Variants in REV3L observed in about 807,000 individuals in gnomAD.
REV3L encodes the protein REV3 like, DNA directed polymerase zeta catalytic subunit, also known as DNA polymerase zeta catalytic subunit.
REV3L carries 69 observed loss-of-function variants against 299.4 expected under a neutral mutation model. The observed-to-expected ratio is 0.23, with a 90% CI of 0.19 to 0.28. The LOEUF is 0.28. Among genes scored for constraint, REV3L ranks in the 10% least tolerant of loss-of-function variants. The probability of loss-of-function intolerance (pLI) is 1.00; values close to 1 mark genes in which losing one functional copy is unlikely to be tolerated. For synonymous variants in REV3L, 1,238 were observed against 1,271.4 expected (o/e 0.97, Z 0.56); for missense variants, 3,128 against 3,693.8 (o/e 0.85, Z 3.97).
intron 1 of REV3L, among the ~76,000 whole-genome samples, chr6:111,424,745 G>C (rs1785968665): frequency 6.6e-6 from 1 of 152,134 alleles, no homozygotes. Context: ...CCCAGCACTT[G>C]CCTTTATTTG....
intron 19 of REV3L, 63 bp from the exon 20 acceptor site, chr6:111,349,399 C>G: frequency 1.3e-6 from 1 of 741,618 alleles, no homozygotes; most frequent in South Asian, 2.1e-5. Flanking sequence ...TAAAATTATG[C>G]CAGGGAAAAT....
chr6:111,359,061 C>T (rs1430859346), intron 16 of REV3L, 47 bp from the exon 17 acceptor site: 1 of 1,503,244 alleles, frequency 6.7e-7, no homozygotes, highest in Non-Finnish European at 9.1e-7. Flanking sequence ...TTTTTAAAGA[C>T]ATGCTCAAAG....
At chr6:111,468,312 A>C (rs1791751768) in intron 1 of REV3L, among the ~76,000 whole-genome samples, 1 of 152,232 alleles carries the variant, frequency 6.6e-6, no homozygotes, top group African/African-American at 2.4e-5. Context: ...AAATGAAAAA[A>C]AGATACTACT....
chr6:111,344,172 C>T (rs1265325077), intron 20 of REV3L, 129 bp from the exon 21 acceptor site: 2 of 608,472 alleles, frequency 3.3e-6, no homozygotes, highest in Admixed American at 6.2e-5. Context: ...AACTGATGTG[C>T]AGTACAACTG....
chr6:111,445,913 T>C (rs1470942533), intron 1 of REV3L, among the ~76,000 whole-genome samples: 3 of 152,046 alleles, frequency 2.0e-5, no homozygotes, highest in Admixed American at 2.0e-4. Flanking sequence ...ATTCAGGAAA[T>C]GCCAAGCATA....
In REV3L at chr6:111,367,206, A is replaced by G. The variant is rs781270812; in HGVS notation, c.6582T>C (p.Cys2194=). Residue 2194 remains cysteine, a synonymous_variant, in exon 14 of 32, where the codon TGT becomes TGC. Transcript: ENST00000368802. ...GTGTACTATGAAAGCAAAGTGATTC[A>G]CATTTCCCAGTTCTTGCCCTAGTAT... The part of the protein sequence containing the change: ...PINTRARTGK[C]ESLCFHSTPI... The G allele has an allele frequency of 4.3e-6, 7 of 1,613,922 alleles. No homozygotes were observed. The highest frequency in any genetic ancestry group is 5.9e-6 in the Non-Finnish European group (7 of 1,179,978).
chr6:111,326,710 A>T (rs1022202414), intron 25 of REV3L, among the ~76,000 whole-genome samples: 10 of 152,134 alleles, frequency 6.6e-5, no homozygotes, highest in Non-Finnish European at 1.3e-4. Context: ...AAACAACCTA[A>T]GTGTCCATCA....
At position 111,372,609 on chromosome 6, in the gene REV3L, G is replaced by A; in HGVS notation, c.5746C>T (p.Pro1916Ser). ...ATAACTGATTACCTGGGCTTTTCTG[G>A]TACATCAGAAGGATTACTGCAAAAT... ...EPFCSNPSDV[P>S]EKPREIGGRL... The change falls in exon 13 of 32, where the codon CCA becomes TCA. Residue 1916 changes from proline (P) to serine (S), a missense_variant. Transcript: ENST00000368802. The A allele has an allele frequency of 6.8e-7, 1 of 1,480,532 alleles. No individual in the cohort carries two copies. Among genetic ancestry groups the A allele is most frequent in the Non-Finnish European group, 9.0e-7 (1 of 1,116,092 alleles). 91.7% of individuals were successfully genotyped at this position (1,480,532 alleles called of 1,614,324 possible).
intron 1 of REV3L, among the ~76,000 whole-genome samples, chr6:111,427,017 T>C (rs1480229554): frequency 6.6e-6 from 1 of 152,068 alleles, no homozygotes; most frequent in Non-Finnish European, 1.5e-5. Context: ...TTTTGTGGTA[T>C]TTTAATTGAA....
Position 111,482,921 on chromosome 6 carries a change from G to A in REV3L, c.-33C>T. On this transcript the variant is annotated 5_prime_UTR_variant, in exon 1 of 32. Coordinates refer to ENST00000368802, the MANE Select transcript of REV3L (RefSeq NM_001372078.1). ...GCCGCCGCCACTGCCTCCCTTCACT[G>A]GCGACCCGGCAGCGGCAGCAGCAGC... The A allele has an allele frequency of 6.7e-7, 1 of 1,495,120 alleles. No homozygotes were observed. Among genetic ancestry groups the A allele is most frequent in the Non-Finnish European group, 8.8e-7 (1 of 1,132,874 alleles). The allele number at this position is 1,495,120 out of a possible 1,614,324, so 92.6% of individuals were successfully genotyped here. A position where few individuals can be genotyped will look rare whatever the true frequency, so the allele number is the denominator to read the frequency against.
At chr6:111,472,745 C>T (rs1254153215) in intron 1 of REV3L, among the ~76,000 whole-genome samples, 1 of 151,902 alleles carries the variant, frequency 6.6e-6, no homozygotes, top group Non-Finnish European at 1.5e-5. Flanking sequence ...TATTTAAAAA[C>T]CCACAGAGAG....
At chr6:111,447,006 A>G (rs1335767280) in intron 1 of REV3L, among the ~76,000 whole-genome samples, 1 of 152,202 alleles carries the variant, frequency 6.6e-6, no homozygotes, top group African/African-American at 2.4e-5. Flanking sequence ...ACTGATCACT[A>G]ACCTCACAAG....
At chr6:111,385,360 C>T (rs908395857) in intron 9 of REV3L, among the ~76,000 whole-genome samples, 12 of 151,604 alleles carry the variant, frequency 7.9e-5, no homozygotes, top group African/African-American at 2.9e-4. Flanking sequence ...CTCATGTACC[C>T]CATAAATATA....
chr6:111,322,297 CAGTT>C (rs1301809349), intron 26 of REV3L, among the ~76,000 whole-genome samples: 1 of 152,176 alleles, frequency 6.6e-6, no homozygotes, highest in South Asian at 2.1e-4. Flanking sequence ...CCTGTGTACA[CAGTT>C]AGTTTACAGA....
chr6:111,477,712 T>C (rs1793107052), intron 1 of REV3L, among the ~76,000 whole-genome samples: 1 of 151,988 alleles, frequency 6.6e-6, no homozygotes, highest in African/African-American at 2.4e-5. Flanking sequence ...AGACACAGAG[T>C]TCTGTCCATA....
chr6:111,422,591 T>C lies in REV3L; in HGVS notation c.140-6119A>G, dbSNP rs942578324. 2.8e-4 allele frequency among the ~76,000 whole-genome samples: 8 copies of C among 28,424 alleles called. No individual in the cohort carries two copies. In the East Asian group the frequency reaches 2.9e-3, roughly 10 times the overall value. 18.6% of individuals were successfully genotyped at this position (28,424 alleles called of 152,430 possible). A position where few individuals can be genotyped will look rare whatever the true frequency, so the allele number is the denominator to read the frequency against. On this transcript the variant is annotated intron_variant, in intron 1 of 31. Transcript: ENST00000368802. ...ATATATATATACACATATATATATATATACACATATATATATATATACACA... is the reference window on the plus strand; with the variant it reads ...ATATATATATACACATATATATATACATACACATATATATATATATACACA...
chr6:111,451,798 G>A (rs1348766868), intron 1 of REV3L, among the ~76,000 whole-genome samples: 1 of 151,258 alleles, frequency 6.6e-6, no homozygotes, highest in Non-Finnish European at 1.5e-5. Context: ...TGATATTTTA[G>A]GTTAGGCAAA....
rs1419627243 is a variant in REV3L at position 111,300,130 on chromosome 6, A to C, written c.9279T>G (p.Phe3093Leu). ...GAGAAACACATGGGATGTGTCGATC[A>C]AAGCAACCTGTACAGTTCTTGCATA... ...VKICKNCTGCFDRHIPCVSLN... is the reference protein window; with the variant it reads ...VKICKNCTGCLDRHIPCVSLN... Residue 3093 changes from phenylalanine to leucine, a missense_variant, in exon 32 of 32, where the codon TTT becomes TTG. Physicochemically the swap from Phe to Leu is conservative, Grantham distance 22. Coordinates refer to ENST00000368802, the MANE Select transcript of REV3L (RefSeq NM_001372078.1). 2 of 1,612,714 alleles carry C rather than the reference A, an allele frequency of 1.2e-6. No individual in the cohort carries two copies. Among genetic ancestry groups the C allele is most frequent in the Admixed American group, 3.3e-5 (2 of 59,730 alleles).
intron 2 of REV3L, among the ~76,000 whole-genome samples, chr6:111,414,369 G>T (rs1562274840): frequency 1.3e-5 from 2 of 152,120 alleles, no homozygotes; most frequent in Non-Finnish European, 2.9e-5. Flanking sequence ...GGAACTGAGA[G>T]AAAGTCACTG....
Sources: gnomAD v4.1 joint callset for allele counts (sites outside exome capture counted in the v4.1 genomes callset) on GRCh38, gnomAD v4.1.1 for gene constraint, MANE v1.5 for transcripts, NCBI Gene and HGNC (gene_info 2026-07-23, HGNC 2026-07-21) for gene names.